The following GLE1 variants were observed in gnomAD, a reference collection of about 807,000 sequenced individuals.
GLE1 encodes the protein mRNA export factor GLE1.
A neutral mutation model predicts 97.3 loss-of-function variants in GLE1; 78 were observed. That is an observed-to-expected ratio of 0.80 (90% CI 0.67 to 0.97). The LOEUF (loss-of-function observed/expected upper bound fraction) is 0.97. Among genes scored for constraint, GLE1 ranks in the 50% least tolerant of loss-of-function variants. The pLI is 0.00. For missense variants in GLE1, 753 were observed against 857.5 expected, an observed-to-expected ratio of 0.88 and a Z score of 1.52; for synonymous variants, 302 against 313.4, an observed-to-expected ratio of 0.96 and a Z score of 0.39.
chr9:128,531,212 CT>C (rs554511929), intron 9 of GLE1, among the ~76,000 whole-genome samples: 1 of 120,480 alleles, frequency 8.3e-6, no homozygotes, highest in African/African-American at 3.2e-5. Context: ...AAAACTCCAT[CT>C]CAAAAAAAAA....
intron 15 of GLE1, chr9:128,540,559 G>T (rs1351469525): frequency 7.1e-6 from 4 of 565,882 alleles, no homozygotes; most frequent in Non-Finnish European, 9.5e-6. Flanking sequence ...AGAAAGCTAT[G>T]CTGAGATGAG....
chr9:128,509,463 T>C (rs1184643554), intron 2 of GLE1, among the ~76,000 whole-genome samples: 3 of 151,966 alleles, frequency 2.0e-5, no homozygotes, highest in African/African-American at 7.3e-5. Context: ...CCTTCTCTCA[T>C]TGGTTCTGTA....
intron 3 of GLE1, among the ~76,000 whole-genome samples, chr9:128,518,117 T>A (rs1847037467): frequency 6.6e-6 from 1 of 152,032 alleles, no homozygotes; most frequent in African/African-American, 2.4e-5. Flanking sequence ...TTCTGGACAG[T>A]TTATTCATTT....
At chr9:128,513,178 A>G (rs1846874918) in intron 2 of GLE1, among the ~76,000 whole-genome samples, 1 of 152,040 alleles carries the variant, frequency 6.6e-6, no homozygotes, top group Admixed American at 6.6e-5. Context: ...GAACATCTAC[A>G]TTCTGCATCT....
chr9:128,531,400 G>C (rs560788845), intron 9 of GLE1, among the ~76,000 whole-genome samples: 1 of 150,640 alleles, frequency 6.6e-6, no homozygotes, highest in African/African-American at 2.4e-5. Context: ...GGTGGCAGGC[G>C]CCTGTAATCC....
chr9:128,535,336 T>C (rs1244455362), intron 11 of GLE1, among the ~76,000 whole-genome samples: 3 of 143,538 alleles, frequency 2.1e-5, no homozygotes, highest in South Asian at 2.3e-4. Context: ...GCCTGGCCAA[T>C]ATGGGGAAAA....
chr9:128,539,362 G>A (rs1271287905), intron 13 of GLE1, among the ~76,000 whole-genome samples: 2 of 152,298 alleles, frequency 1.3e-5, no homozygotes, highest in Non-Finnish European at 2.9e-5. Flanking sequence ...TTAGGAAGGC[G>A]TCCATTCATT....
rs141077677 is a variant in GLE1 at position 128,529,781 on chromosome 9, C to G, written c.1312+2256C>G. On this transcript the variant is annotated intron_variant, in intron 9 of 15. Coordinates refer to ENST00000309971, the MANE Select transcript of GLE1 (RefSeq NM_001003722.2). ...CTAATTGTAGGTGATTCCTAGGGAT[C>G]TACTCTTTTTTTTTTTTGAGAGTCT... Among the ~76,000 whole-genome samples, 10 of 151,096 alleles carry G rather than the reference C, an allele frequency of 6.6e-5. No individual in the cohort carries two copies. The East Asian group carries it at 2.0e-3, about 29-fold the overall frequency.
At position 128,542,280 on chromosome 9, in the gene GLE1, T is replaced by C. The variant is rs1847899287; in HGVS notation, c.*1110T>C. On this transcript the variant is annotated 3_prime_UTR_variant, in exon 16 of 16. Transcript: ENST00000309971. ...AAAAATTAATAATAAAGCTTGGTTT[T>C]TTGAAAAACCCATTGCTGATATATT... 6.6e-6 allele frequency: 1 copy of C among 152,206 alleles called. No individual in the cohort carries two copies. Among genetic ancestry groups the C allele is most frequent in the South Asian group, 2.1e-4 (1 of 4,830 alleles). The allele number at this position is 152,206 out of a possible 1,614,324, so 9.4% of individuals were successfully genotyped here.
intron 13 of GLE1, 100 bp downstream of exon 13, chr9:128,538,190 A>G (rs1847779533): frequency 8.2e-6 from 6 of 728,522 alleles, no homozygotes; most frequent in Non-Finnish European, 1.5e-5. Flanking sequence ...TTTGGGCCTG[A>G]TAGTAAAACA....
Position 128,522,703 on chromosome 9 carries a change from G to C in GLE1, c.468G>C (p.Arg156Ser), listed in dbSNP as rs1847188852. ...GLRLWQEEQE[R>S]KVQALSEMAS... ...GGCTATGGCAGGAGGAGCAGGAGAG[G>C]AAGGTGCAAGCCCTCTCGGAGATGG... Residue 156 changes from arginine (R) to serine (S), a missense_variant, in exon 4 of 16, where the codon AGG becomes AGC. Arg to Ser is a moderately radical substitution (Grantham distance 110). Coordinates refer to ENST00000309971, the MANE Select transcript of GLE1 (RefSeq NM_001003722.2). 2 of 1,612,432 alleles carry C rather than the reference G, an allele frequency of 1.2e-6. No homozygotes were observed. The highest frequency in any genetic ancestry group is 2.7e-5 in the African/African-American group (2 of 74,448).
At chr9:128,505,253 C>G (rs1445423710) in intron 1 of GLE1, among the ~76,000 whole-genome samples, 6 of 152,104 alleles carry the variant, frequency 3.9e-5, no homozygotes, top group African/African-American at 1.4e-4. Flanking sequence ...CTAGAGTTTG[C>G]GACGAACGAT....
chr9:128,504,724 C>A lies in GLE1; in HGVS notation c.-82C>A. The A allele has an allele frequency of 4.2e-6, 4 of 942,688 alleles. No individual in the cohort carries two copies. The highest frequency in any genetic ancestry group is 2.4e-5 in the East Asian group (1 of 41,948). 58.4% of individuals were successfully genotyped at this position (942,688 alleles called of 1,614,324 possible). Reference sequence around the variant, plus strand: ...TGCGCGCGCGTCCCGGAAGCAGAAGCCTGTGTGGCCTTCCCGGCGGCTGAT... The same window carrying A: ...TGCGCGCGCGTCCCGGAAGCAGAAGACTGTGTGGCCTTCCCGGCGGCTGAT... On this transcript the variant is annotated 5_prime_UTR_variant, in exon 1 of 16. Coordinates refer to ENST00000309971, the MANE Select transcript of GLE1 (RefSeq NM_001003722.2).
intron 1 of GLE1, 28 bp from the exon 2 acceptor site, chr9:128,508,847 GT>G: frequency 7.8e-7 from 1 of 1,275,614 alleles, no homozygotes; most frequent in Non-Finnish European, 1.1e-6. Flanking sequence ...TGACGTGTAA[GT>G]TGAGCTTAAC....
chr9:128,514,373 A>G (rs1432175145), intron 2 of GLE1, among the ~76,000 whole-genome samples: 1 of 151,610 alleles, frequency 6.6e-6, no homozygotes, highest in Admixed American at 6.6e-5. Context: ...AGAAAAGTTC[A>G]AAGATGAACT....
At position 128,535,481 on chromosome 9, in the gene GLE1, C is replaced by T. The variant is rs141772452; in HGVS notation, c.1647-874C>T. 4.1e-4 allele frequency among the ~76,000 whole-genome samples: 56 copies of T among 135,456 alleles called. 2 individuals are homozygous for T. The East Asian group carries it at 0.012, about 30-fold the overall frequency. 88.9% of individuals were successfully genotyped at this position (135,456 alleles called of 152,430 possible). A position where few individuals can be genotyped will look rare whatever the true frequency, so the allele number is the denominator to read the frequency against. On this transcript the variant is annotated intron_variant, in intron 11 of 15. Coordinates refer to ENST00000309971, the MANE Select transcript of GLE1 (RefSeq NM_001003722.2). ...AGGTTGCACTGAGCCGAGATCATGC[C>T]ATTGCACTCCAGCCTGGGCAACAAG...
intron 2 of GLE1, 149 bp downstream of exon 2, chr9:128,509,246 C>G: frequency 1.4e-6 from 1 of 691,942 alleles, no homozygotes; most frequent in Non-Finnish European, 2.6e-6. Context: ...CAGCACCATT[C>G]AGTGTTCTCT....
rs1055182257 is a variant in GLE1 at position 128,523,960 on chromosome 9, C to T, written c.897+114C>T. The T allele has an allele frequency of 1.2e-4, 113 of 945,724 alleles. No individual in the cohort carries two copies. In the African/African-American group the frequency reaches 1.3e-3, roughly 11 times the overall value. The allele number at this position is 945,724 out of a possible 1,614,324, so 58.6% of individuals were successfully genotyped here. On this transcript the variant is annotated intron_variant, in intron 6 of 15. Transcript: ENST00000309971. ...TGCTATCTGCTTATTGGGGGAAATA[C>T]CAAACATTACTTGTTATCTCCATAT...
At chr9:128,523,445 T>C (rs1847209824) in intron 5 of GLE1, 105 bp downstream of exon 5, 2 of 1,360,238 alleles carry the variant, frequency 1.5e-6, no homozygotes, top group Non-Finnish European at 2.1e-6. Flanking sequence ...TGGGCCGTAT[T>C]ATGCCTGTGT....
Sources: allele counts gnomAD v4.1 joint callset (sites outside exome capture counted in the v4.1 genomes callset), GRCh38; gene constraint gnomAD v4.1.1; transcripts MANE v1.5; gene names NCBI Gene and HGNC (gene_info 2026-07-23, HGNC 2026-07-21).